Variants in TSPAN18 observed in about 807,000 individuals in gnomAD.
TSPAN18 encodes the protein tetraspanin 18, also known as tetraspanin-18.
A neutral mutation model predicts 27.3 loss-of-function variants in TSPAN18; 14 were observed. The observed-to-expected ratio is 0.51, with a 90% CI of 0.34 to 0.80. TSPAN18 has a LOEUF of 0.80. Among genes scored for constraint, TSPAN18 ranks in the 30% least tolerant of loss-of-function variants. The pLI, the probability that TSPAN18 is intolerant of heterozygous loss-of-function variation, is 0.01. For missense variants in TSPAN18, 268 were observed against 323.9 expected, an observed-to-expected ratio of 0.83 and a Z score of 1.32; for synonymous variants, 143 against 136.5, an observed-to-expected ratio of 1.05 and a Z score of -0.33.
At chr11:44,782,978 G>A (rs1335131118) in intron 2 of TSPAN18, among the ~76,000 whole-genome samples, 6 of 152,008 alleles carry the variant, frequency 3.9e-5, no homozygotes, top group South Asian at 2.1e-4. Flanking sequence ...ACAGGTGTGC[G>A]CCACCATGCC....
chr11:44,877,646 G>C (rs1191385727), intron 3 of TSPAN18, among the ~76,000 whole-genome samples: 2 of 152,130 alleles, frequency 1.3e-5, no homozygotes, highest in African/African-American at 4.8e-5. Flanking sequence ...GCCAGGTTAT[G>C]GTGACCACCT....
At chr11:44,769,738 A>G (rs1340509019) in intron 2 of TSPAN18, among the ~76,000 whole-genome samples, 1 of 152,194 alleles carries the variant, frequency 6.6e-6, no homozygotes, top group East Asian at 1.9e-4. Context: ...GGACATTCCC[A>G]TGTCCATGGG....
intron 3 of TSPAN18, among the ~76,000 whole-genome samples, chr11:44,870,700 G>T (rs1858170357): frequency 6.6e-6 from 1 of 152,194 alleles, no homozygotes; most frequent in African/African-American, 2.4e-5. Context: ...AGCTCAGAAA[G>T]GTTGAGGCAC....
Position 44,919,966 on chromosome 11 carries a change from C to T in TSPAN18, c.582C>T (p.Cys194=). 6.2e-7 allele frequency: 1 copy of T among 1,613,984 alleles called. No individual in the cohort carries two copies. The highest frequency in any genetic ancestry group is 8.5e-7 in the Non-Finnish European group (1 of 1,179,938). The part of the protein sequence containing the change: ...RDGVLLSREE[C]LLGRSLFLNK... ...GGGTCCTGCTGAGCCGGGAGGAGTG[C>T]CTCCTGGGAAGGAGCCTATTCCTAA... is the stretch of plus-strand genomic sequence containing the variant. Residue 194 remains cysteine, a synonymous_variant, in exon 8 of 10, where the codon TGC becomes TGT. Coordinates refer to ENST00000520358, the MANE Select transcript of TSPAN18 (RefSeq NM_130783.5).
chr11:44,914,693 G>T (rs540772994), intron 5 of TSPAN18, among the ~76,000 whole-genome samples: 2 of 152,194 alleles, frequency 1.3e-5, no homozygotes, highest in African/African-American at 2.4e-5. Flanking sequence ...GCCAGCTTGG[G>T]CCGAGTACTG....
chr11:44,854,748 G>A (rs950990204), intron 2 of TSPAN18, among the ~76,000 whole-genome samples: 1 of 152,114 alleles, frequency 6.6e-6, no homozygotes, highest in African/African-American at 2.4e-5. Context: ...GGATCCTACC[G>A]TTGCTGTGTG....
intron 3 of TSPAN18, among the ~76,000 whole-genome samples, chr11:44,884,595 G>A (rs1316746978): frequency 1.3e-5 from 2 of 152,270 alleles, no homozygotes; most frequent in East Asian, 1.9e-4. Flanking sequence ...CAGGAGTCAC[G>A]GCCAGAGCTC....
chr11:44,743,532 G>A (rs1188223981), intron 1 of TSPAN18, among the ~76,000 whole-genome samples: 23 of 152,194 alleles, frequency 1.5e-4, no homozygotes, highest in Admixed American at 1.4e-3. Flanking sequence ...GGGAGAAGCC[G>A]AGAATGGCGC....
chr11:44,829,162 G>T (rs1283426945), intron 2 of TSPAN18, among the ~76,000 whole-genome samples: 1 of 152,190 alleles, frequency 6.6e-6, no homozygotes, highest in East Asian at 1.9e-4. Context: ...TGATACATTT[G>T]TTACAGTTGA....
chr11:44,832,980 C>T (rs146080283), intron 2 of TSPAN18, among the ~76,000 whole-genome samples: 186 of 152,256 alleles, frequency 1.2e-3, no homozygotes, highest in African/African-American at 3.8e-3. Flanking sequence ...TTTGCCCACA[C>T]GCTGTCCTCT....
intron 2 of TSPAN18, among the ~76,000 whole-genome samples, chr11:44,783,439 C>T (rs1010589384): frequency 1.3e-5 from 2 of 151,756 alleles, no homozygotes; most frequent in African/African-American, 4.8e-5. Flanking sequence ...CGCTCTGTCG[C>T]CCAGGCTGGA....
chr11:44,746,096 C>T (rs1855068795), intron 1 of TSPAN18, among the ~76,000 whole-genome samples: 1 of 152,226 alleles, frequency 6.6e-6, no homozygotes, highest in African/African-American at 2.4e-5. Flanking sequence ...GTGCATAAAA[C>T]TCCAGATTTC....
At chr11:44,800,006 G>GTTTTTT (rs60067559) in intron 2 of TSPAN18, among the ~76,000 whole-genome samples, 10 of 109,398 alleles carry the variant, frequency 9.1e-5, no homozygotes, top group African/African-American at 7.2e-5. Flanking sequence ...AATTTTTTGT[G>GTTTTTT]TTTTTTTTTT....
chr11:44,762,180 G>A (rs1855468632), intron 1 of TSPAN18, among the ~76,000 whole-genome samples: 1 of 152,206 alleles, frequency 6.6e-6, no homozygotes, highest in South Asian at 2.1e-4. Context: ...GGCACCCAAG[G>A]GGTCATTGCA....
chr11:44,756,663 C>T (rs976629672), intron 1 of TSPAN18, among the ~76,000 whole-genome samples: 3 of 152,128 alleles, frequency 2.0e-5, no homozygotes, highest in Admixed American at 6.5e-5. Context: ...TGGAATCATG[C>T]AGTATTTGTC....
chr11:44,910,646 T>C (rs1859674188), intron 5 of TSPAN18, among the ~76,000 whole-genome samples: 1 of 152,256 alleles, frequency 6.6e-6, no homozygotes, highest in Non-Finnish European at 1.5e-5. Context: ...CTTGTAGATA[T>C]GCAATTCTGA....
intron 2 of TSPAN18, among the ~76,000 whole-genome samples, chr11:44,801,544 A>G (rs1025877839): frequency 1.3e-5 from 2 of 152,156 alleles, no homozygotes; most frequent in Non-Finnish European, 2.9e-5. Flanking sequence ...AGTTTCAAGG[A>G]GTTGGTGGGG....
intron 3 of TSPAN18, among the ~76,000 whole-genome samples, chr11:44,881,502 A>G (rs972552773): frequency 1.3e-5 from 2 of 152,248 alleles, no homozygotes; most frequent in Admixed American, 1.3e-4. Context: ...CGAGGGAAAC[A>G]TGACCTAAAA....
chr11:44,815,040 G>A (rs1052092984), intron 2 of TSPAN18, among the ~76,000 whole-genome samples: 1 of 152,180 alleles, frequency 6.6e-6, no homozygotes, highest in Non-Finnish European at 1.5e-5. Context: ...TGGCAAGATA[G>A]AAAGGTGCTT....
Sources: gnomAD v4.1 joint callset for allele counts (sites outside exome capture counted in the v4.1 genomes callset) on GRCh38, gnomAD v4.1.1 for gene constraint, MANE v1.5 for transcripts, NCBI Gene and HGNC (gene_info 2026-07-23, HGNC 2026-07-21) for gene names.